The following VEPH1 variants were observed in gnomAD, a reference collection of about 807,000 sequenced individuals.
VEPH1 encodes ventricular zone expressed PH domain containing 1, also known as ventricular zone-expressed PH domain-containing protein homolog 1.
VEPH1 carries 80 observed loss-of-function variants against 85.2 expected under a neutral mutation model. The ratio of observed to expected loss-of-function variants is 0.94; its 90% CI spans 0.78 to 1.13. The LOEUF is 1.13. VEPH1 is among the 50% of genes most tolerant of loss of function. The pLI is 0.00. For synonymous variants in VEPH1, 297 were observed against 348.0 expected (o/e 0.85, Z 1.63); for missense variants, 955 against 980.5 (o/e 0.97, Z 0.35).
chr3:157,290,745 A>G (rs1393956974), intron 11 of VEPH1, among the ~76,000 whole-genome samples: 1 of 152,244 alleles, frequency 6.6e-6, no homozygotes, highest in African/African-American at 2.4e-5. Flanking sequence ...ATTCAAGAAG[A>G]TTAAAACTCA....
intron 7 of VEPH1, among the ~76,000 whole-genome samples, chr3:157,374,767 A>G (rs547913275): frequency 3.6e-3 from 551 of 152,306 alleles, no homozygotes; most frequent in Non-Finnish European, 4.5e-3. Context: ...CCAGCTTTCA[A>G]TGGGAAGAGA....
At chr3:157,493,246 T>G in intron 2 of VEPH1, 1 of 456,398 alleles carries the variant, frequency 2.2e-6, no homozygotes, top group East Asian at 7.0e-5. Context: ...TCTTCTGTGC[T>G]GGAAGTTGGA....
chr3:157,318,509 G>C (rs974749495), intron 9 of VEPH1, among the ~76,000 whole-genome samples: 44 of 152,140 alleles, frequency 2.9e-4, no homozygotes, highest in African/African-American at 1.0e-3. Flanking sequence ...TTGGGGGGCA[G>C]AGCAGGAGGT....
chr3:157,345,055 A>G (rs1053380016), intron 9 of VEPH1, among the ~76,000 whole-genome samples: 4 of 152,234 alleles, frequency 2.6e-5, no homozygotes, highest in African/African-American at 7.2e-5. Context: ...TAAATGTTAG[A>G]CCTAAAACCA....
intron 12 of VEPH1, chr3:157,285,436 C>T (rs887917866): frequency 7.2e-5 from 11 of 152,238 alleles, no homozygotes; most frequent in Non-Finnish European, 1.5e-4. Context: ...TCAGCCTCAA[C>T]ATCTTGGCAG....
chr3:157,274,486 T>C (rs2108304738), intron 12 of VEPH1, among the ~76,000 whole-genome samples: 1 of 152,142 alleles, frequency 6.6e-6, no homozygotes, highest in East Asian at 1.9e-4. Context: ...GTGAACTCTC[T>C]GTCTCTCTGT....
chr3:157,481,295 A>C (rs1352588439), intron 2 of VEPH1, among the ~76,000 whole-genome samples: 1 of 151,902 alleles, frequency 6.6e-6, no homozygotes, highest in Non-Finnish European at 1.5e-5. Context: ...AAAGAAGCTC[A>C]TGGATTGGAA....
intron 6 of VEPH1, among the ~76,000 whole-genome samples, chr3:157,395,147 T>TG (rs1176518585): frequency 6.6e-6 from 1 of 152,198 alleles, no homozygotes; most frequent in Non-Finnish European, 1.5e-5. Flanking sequence ...AGCAATGCTA[T>TG]GTGTAATACC....
In VEPH1 at chr3:157,437,041, TG is replaced by T. The variant is rs764915367; in HGVS notation, c.530-8554del. The T allele has an allele frequency of 2.5e-6, 4 of 1,614,040 alleles. No individual in the cohort carries two copies. The Admixed American group carries it at 6.7e-5, about 27-fold the overall frequency. The stretch of plus-strand genomic sequence containing the variant: ...TGAATTTGGACAACGAAATAGACAA[TG>T]GACTCCATCCCACTGAGGACCGTAA... On this transcript the variant is annotated intron_variant, in intron 4 of 13. Transcript: ENST00000362010.
intron 12 of VEPH1, among the ~76,000 whole-genome samples, chr3:157,270,014 AG>A (rs1221068078): frequency 2.6e-5 from 4 of 151,872 alleles, no homozygotes; most frequent in Non-Finnish European, 2.9e-5. Context: ...GCCGAGACAG[AG>A]GGATCATTTG....
At chr3:157,325,899 T>C (rs1721845816) in intron 9 of VEPH1, among the ~76,000 whole-genome samples, 3 of 152,228 alleles carry the variant, frequency 2.0e-5, no homozygotes, top group Admixed American at 6.5e-5. Context: ...GGGAATAGCA[T>C]TGAATCTATA....
intron 4 of VEPH1, among the ~76,000 whole-genome samples, chr3:157,435,426 C>A (rs759311428): frequency 2.8e-4 from 42 of 152,294 alleles, no homozygotes; most frequent in Middle Eastern, 6.8e-3. Flanking sequence ...TCAAAGGGAC[C>A]TTGTAGAGTT....
intron 5 of VEPH1, among the ~76,000 whole-genome samples, chr3:157,414,526 TA>T (rs1056830056): frequency 1.3e-5 from 2 of 152,170 alleles, no homozygotes; most frequent in Non-Finnish European, 2.9e-5. Flanking sequence ...AAATGTTTAA[TA>T]AATAAAAATA....
intron 6 of VEPH1, among the ~76,000 whole-genome samples, chr3:157,392,786 T>C (rs1729988149): frequency 6.6e-6 from 1 of 152,230 alleles, no homozygotes; most frequent in Admixed American, 6.5e-5. Flanking sequence ...TTAACCACTT[T>C]GAGCCTAAGC....
At chr3:157,301,521 C>T (rs977773523) in intron 11 of VEPH1, among the ~76,000 whole-genome samples, 5 of 152,212 alleles carry the variant, frequency 3.3e-5, no homozygotes, top group Admixed American at 2.0e-4. Context: ...CTGCTTAAAA[C>T]AGCTCTCTAC....
chr3:157,296,379 G>A (rs73156716), intron 11 of VEPH1, among the ~76,000 whole-genome samples: 1,613 of 152,292 alleles, frequency 0.011, 13 homozygotes, highest in Non-Finnish European at 0.017. Context: ...AGACTAGCAA[G>A]GGTCAGACTC....
At chr3:157,347,946 G>A (rs982513329) in intron 9 of VEPH1, among the ~76,000 whole-genome samples, 1 of 152,214 alleles carries the variant, frequency 6.6e-6, no homozygotes, top group Non-Finnish European at 1.5e-5. Flanking sequence ...GCGCCACGTT[G>A]AGACCAGACA....
At chr3:157,331,045 C>T (rs1159096783) in intron 9 of VEPH1, among the ~76,000 whole-genome samples, 4 of 152,186 alleles carry the variant, frequency 2.6e-5, no homozygotes, top group Admixed American at 1.3e-4. Context: ...CTGTGTTCAC[C>T]TGAATGGATC....
intron 12 of VEPH1, among the ~76,000 whole-genome samples, chr3:157,269,586 A>G (rs1714227390): frequency 6.8e-6 from 1 of 148,094 alleles, no homozygotes; most frequent in Non-Finnish European, 1.5e-5. Flanking sequence ...CAAAATTTTT[A>G]TATCCCGTAT....
Sources: allele counts gnomAD v4.1 joint callset (sites outside exome capture counted in the v4.1 genomes callset), GRCh38; gene constraint gnomAD v4.1.1; transcripts MANE v1.5; gene names NCBI Gene and HGNC (gene_info 2026-07-23, HGNC 2026-07-21).